ARHGEF10: variants seen among roughly 807,000 people sequenced by gnomAD.
ARHGEF10 encodes Rho guanine nucleotide exchange factor (GEF) 10.
In ARHGEF10, 140 loss-of-function variants were observed where a neutral mutation model predicts 147.4. The ratio of observed to expected loss-of-function variants is 0.95; its 90% confidence interval spans 0.83 to 1.09. The LOEUF is 1.09. Ranked by LOEUF, ARHGEF10 falls within the 50% of genes least tolerant of loss-of-function variation. ARHGEF10 has a pLI of 0.00. For missense variants in ARHGEF10, 2,222 were observed against 1,752.7 expected (o/e 1.27, Z -4.78); for synonymous variants, 902 against 695.8 (o/e 1.30, Z -4.67).
Position 1,928,747 on chromosome 8 carries a change from C to G in ARHGEF10, c.2921+97C>G, listed in dbSNP as rs186635263. On this transcript the variant is annotated intron_variant, in intron 24 of 28. Coordinates refer to ENST00000349830, the MANE Select transcript of ARHGEF10 (RefSeq NM_014629.4). ...CTGGAAAGAGTCCTTGACTTTGACTCAGGAGTAGCCCGTGCAGGAATTAGG... is the reference window on the plus strand; with the variant it reads ...CTGGAAAGAGTCCTTGACTTTGACTGAGGAGTAGCCCGTGCAGGAATTAGG... 8 of 1,361,984 alleles carry G rather than the reference C, an allele frequency of 5.9e-6. No homozygotes were observed. The African/African-American group carries it at 1.3e-4, about 22-fold the overall frequency. The allele number at this position is 1,361,984 out of a possible 1,614,324, so 84.4% of individuals were successfully genotyped here.
intron 26 of ARHGEF10, among the ~76,000 whole-genome samples, chr8:1,934,677 C>G (rs1813430617): frequency 6.6e-6 from 1 of 152,172 alleles, no homozygotes; most frequent in Admixed American, 6.5e-5. Flanking sequence ...CCAGCCCTCT[C>G]CTCCTCTAAA....
At chr8:1,929,537 CTGCCTCCCGCCCCTG>C in intron 25 of ARHGEF10, 94 bp downstream of exon 25, 1 of 1,443,378 alleles carries the variant, frequency 6.9e-7, no homozygotes, top group Non-Finnish European at 9.3e-7. Context: ...CACCGGCCTC[CTGCCTCCCGCCCCTG>C]TGCCTCCGCC....
intron 18 of ARHGEF10, among the ~76,000 whole-genome samples, chr8:1,922,317 T>C (rs1812357597): frequency 6.6e-6 from 1 of 151,558 alleles, no homozygotes; most frequent in Admixed American, 6.6e-5. Context: ...CTCATTTTCA[T>C]GGTAGATGAC....
intron 2 of ARHGEF10, among the ~76,000 whole-genome samples, chr8:1,851,161 ACGCACAC>A (rs1805109241): frequency 6.6e-6 from 1 of 151,088 alleles, no homozygotes. Flanking sequence ...GCGAGGCCTC[ACGCACAC>A]CGTGGGCTTT....
intron 18 of ARHGEF10, among the ~76,000 whole-genome samples, chr8:1,911,908 T>C (rs1464384185): frequency 6.6e-6 from 1 of 152,246 alleles, no homozygotes; most frequent in South Asian, 2.1e-4. Context: ...TGTTTGTTTC[T>C]TCCGGTTCTC....
intron 27 of ARHGEF10, chr8:1,945,983 C>T (rs1814557010): frequency 4.2e-6 from 2 of 473,754 alleles, no homozygotes; most frequent in Admixed American, 6.7e-5. Flanking sequence ...TGCAACAAGG[C>T]CCTGGGGAAG....
chr8:1,878,579 T>G lies in ARHGEF10; in HGVS notation c.844-1469T>G, dbSNP rs936466485. ...GATTTAAACTGAGATTTAAGAAGAGTGCTGGGCTCTGACATCACAGATGGA... is the reference window on the plus strand; with the variant it reads ...GATTTAAACTGAGATTTAAGAAGAGGGCTGGGCTCTGACATCACAGATGGA... On this transcript the variant is annotated intron_variant, in intron 8 of 28. Transcript: ENST00000349830. Among the ~76,000 whole-genome samples the G allele has an allele frequency of 4.6e-5, 7 of 152,146 alleles. No individual in the cohort carries two copies. The East Asian group carries it at 1.2e-3, about 25-fold the overall frequency.
intron 27 of ARHGEF10, among the ~76,000 whole-genome samples, chr8:1,949,034 G>C (rs1314285911): frequency 6.6e-6 from 1 of 152,046 alleles, no homozygotes; most frequent in East Asian, 1.9e-4. Flanking sequence ...GTGTGTGTGT[G>C]TGTGTGTGGC....
intron 7 of ARHGEF10, among the ~76,000 whole-genome samples, chr8:1,871,568 C>T (rs890586870): frequency 6.6e-6 from 1 of 151,952 alleles, no homozygotes; most frequent in African/African-American, 2.4e-5. Context: ...ACCTGTAATC[C>T]CAGCACTTTG....
chr8:1,913,312 G>A (rs908586190), intron 18 of ARHGEF10, among the ~76,000 whole-genome samples: 1 of 152,146 alleles, frequency 6.6e-6, no homozygotes, highest in Non-Finnish European at 1.5e-5. Context: ...GTGTGTGTGT[G>A]TGCACTTTTA....
chr8:1,956,370 ATT>A (rs1297908656), intron 28 of ARHGEF10, among the ~76,000 whole-genome samples: 1 of 152,198 alleles, frequency 6.6e-6, no homozygotes, highest in African/African-American at 2.4e-5. Flanking sequence ...AGGCGTTAAT[ATT>A]TCTAATCAAG....
At chr8:1,928,719 G>A (rs1812880142) in intron 24 of ARHGEF10, 69 bp downstream of exon 24, 2 of 1,548,476 alleles carry the variant, frequency 1.3e-6, no homozygotes, top group East Asian at 4.5e-5. Flanking sequence ...TGGGGAGCCT[G>A]TCCTGGAAAG....
intron 4 of ARHGEF10, among the ~76,000 whole-genome samples, chr8:1,860,885 G>A (rs961145630): frequency 1.3e-5 from 2 of 152,174 alleles, no homozygotes; most frequent in Non-Finnish European, 2.9e-5. Context: ...GGATGGAGGG[G>A]TGGTGGGGGT....
chr8:1,932,356 CGT>C (rs1285098960), intron 25 of ARHGEF10, among the ~76,000 whole-genome samples: 3 of 152,112 alleles, frequency 2.0e-5, no homozygotes, highest in Non-Finnish European at 2.9e-5. Flanking sequence ...TGTGTGCAGG[CGT>C]GTGTGTGCCT....
intron 1 of ARHGEF10, among the ~76,000 whole-genome samples, chr8:1,839,338 TAG>T (rs201382227): frequency 3.1e-5 from 4 of 130,558 alleles, no homozygotes; most frequent in African/African-American, 8.7e-5. Flanking sequence ...CTGTCTGGTG[TAG>T]GGACTGTCTG....
chr8:1,823,651 C>T (rs969194746), upstream of ARHGEF10, among the ~76,000 whole-genome samples: 13 of 151,962 alleles, frequency 8.6e-5, no homozygotes, highest in African/African-American at 2.9e-4. Context: ...TGCCCAGCGA[C>T]CCCTCCCGAA....
In ARHGEF10 at chr8:1,903,440, T is replaced by C; in HGVS notation, c.1810T>C (p.Tyr604His). Reference sequence around the variant, plus strand: ...AATAGCCAAAGCCATAAACGAAAGATACCTGAACAAGGTTGAGAGAGGTTT... The same window carrying C: ...AATAGCCAAAGCCATAAACGAAAGACACCTGAACAAGGTTGAGAGAGGTTT... ...KQIAKAINER[Y>H]LNKLLSSGSR... Residue 604 changes from tyrosine (Y) to histidine (H), a missense_variant, in exon 16 of 29, where the codon TAC (tyrosine) becomes CAC (histidine). Tyr to His is a moderately conservative substitution (Grantham distance 83, BLOSUM62 2). Coordinates refer to ENST00000349830, the MANE Select transcript of ARHGEF10 (RefSeq NM_014629.4). 1 of 1,614,202 alleles carries C rather than the reference T, an allele frequency of 6.2e-7. No homozygotes were observed.
chr8:1,925,630 C>A (rs1165495599), intron 22 of ARHGEF10, among the ~76,000 whole-genome samples: 1 of 152,182 alleles, frequency 6.6e-6, no homozygotes, highest in African/African-American at 2.4e-5. Flanking sequence ...GGGCCAGGAC[C>A]CTGGGGTATT....
chr8:1,849,279 C>T (rs972713450), intron 2 of ARHGEF10, among the ~76,000 whole-genome samples: 15 of 151,898 alleles, frequency 9.9e-5, no homozygotes, highest in African/African-American at 2.7e-4. Flanking sequence ...GGGCGTAGGG[C>T]GGCCGTGTGG....
Sources: gnomAD v4.1 joint callset for allele counts (sites outside exome capture counted in the v4.1 genomes callset) on GRCh38, gnomAD v4.1.1 for gene constraint, MANE v1.5 for transcripts, NCBI Gene and HGNC (gene_info 2026-07-23, HGNC 2026-07-21) for gene names.